The following RIMS2 variants were observed in gnomAD, a reference collection of about 807,000 sequenced individuals.
RIMS2 encodes regulating synaptic membrane exocytosis 2.
In RIMS2, 59 loss-of-function variants were observed where a neutral mutation model predicts 174.4. The observed-to-expected ratio is 0.34, with a 90% CI of 0.27 to 0.42. RIMS2 has a LOEUF of 0.42. Ranked by LOEUF, RIMS2 falls within the 10% of genes least tolerant of loss-of-function variation. The pLI, the probability that RIMS2 is intolerant of heterozygous loss-of-function variation, is 1.00. For missense variants in RIMS2, 1,620 were observed against 1,666.3 expected, an observed-to-expected ratio of 0.97 and a Z score of 0.48; for synonymous variants, 606 against 572.5, an observed-to-expected ratio of 1.06 and a Z score of -0.84.
chr8:104,107,356 A>G (rs2131497070), intron 19 of RIMS2, among the ~76,000 whole-genome samples: 1 of 151,870 alleles, frequency 6.6e-6, no homozygotes, highest in East Asian at 1.9e-4. Flanking sequence ...TGTGATACCC[A>G]TTTTCTCCCC....
At position 103,918,320 on chromosome 8, in the gene RIMS2, A is replaced by C. The variant is rs1012410169; in HGVS notation, c.2037-121A>C. The C allele has an allele frequency of 5.3e-6, 3 of 569,010 alleles. No homozygotes were observed. The African/African-American group carries it at 5.6e-5, about 11-fold the overall frequency. The allele number at this position is 569,010 out of a possible 1,614,324, so 35.2% of individuals were successfully genotyped here. ...TGTTTCTTATTTATATAATGCCACTATTATACACAGTTTTCTTCATTTTAC... is the reference window on the plus strand; with the variant it reads ...TGTTTCTTATTTATATAATGCCACTCTTATACACAGTTTTCTTCATTTTAC... On this transcript the variant is annotated intron_variant, in intron 8 of 23. Coordinates refer to ENST00000504942, the Ensembl canonical transcript of RIMS2.
At chr8:103,794,414 A>C (rs2098532158) in intron 3 of RIMS2, among the ~76,000 whole-genome samples, 1 of 152,182 alleles carries the variant, frequency 6.6e-6, no homozygotes, top group East Asian at 1.9e-4. Flanking sequence ...CTTCCTTACA[A>C]CTTATACAAA....
chr8:104,203,375 T>A (rs1262989171), intron 19 of RIMS2, among the ~76,000 whole-genome samples: 4 of 152,044 alleles, frequency 2.6e-5, no homozygotes, highest in Non-Finnish European at 4.4e-5. Context: ...CACAGAAACC[T>A]ATTAAAATGA....
intron 1 of RIMS2, among the ~76,000 whole-genome samples, chr8:103,558,510 C>T (rs775043616): frequency 6.6e-6 from 1 of 152,222 alleles, no homozygotes; most frequent in Non-Finnish European, 1.5e-5. Flanking sequence ...AGGCATGAGC[C>T]ACCGTGCCTG....
intron 3 of RIMS2, among the ~76,000 whole-genome samples, chr8:103,767,192 C>CTT (rs35159105): frequency 7.2e-6 from 1 of 138,558 alleles, no homozygotes; most frequent in African/African-American, 2.7e-5. Flanking sequence ...CTTTTTCTTT[C>CTT]TTTTTTTTTT....
intron 3 of RIMS2, among the ~76,000 whole-genome samples, chr8:103,819,812 A>G (rs562315225): frequency 2.0e-5 from 3 of 152,314 alleles, no homozygotes; most frequent in Admixed American, 6.5e-5. Flanking sequence ...GCTTACTTCA[A>G]CCAGAAAAAG....
chr8:103,601,203 T>C (rs1180875730), intron 1 of RIMS2, among the ~76,000 whole-genome samples: 1 of 152,222 alleles, frequency 6.6e-6, no homozygotes, highest in Non-Finnish European at 1.5e-5. Flanking sequence ...ATACAGAAGC[T>C]TTTTAACATG....
chr8:103,793,877 G>A (rs2098525430), intron 3 of RIMS2, among the ~76,000 whole-genome samples: 1 of 152,102 alleles, frequency 6.6e-6, no homozygotes, highest in Non-Finnish European at 1.5e-5. Flanking sequence ...ACTTACAAGG[G>A]ATGTGAAGGA....
At chr8:103,757,535 G>A (rs1336681564) in intron 2 of RIMS2, among the ~76,000 whole-genome samples, 2 of 151,858 alleles carry the variant, frequency 1.3e-5, no homozygotes, top group African/African-American at 4.8e-5. Context: ...TTGTGCTATT[G>A]GGCTATAATT....
exon 4 of RIMS2, chr8:103,886,025 A>G: frequency 6.2e-7 from 1 of 1,613,034 alleles, no homozygotes; most frequent in Non-Finnish European, 8.5e-7. Flanking sequence ...AAAAATGGAA[A>G]CAATGTTAAG....
chr8:104,221,914 C>T (rs1374517), intron 19 of RIMS2, among the ~76,000 whole-genome samples: 28,476 of 152,102 alleles, frequency 0.19, 2,919 homozygotes, highest in Non-Finnish European at 0.23. Flanking sequence ...CACTCCTTCC[C>T]ACTCACTCCA....
intron 1 of RIMS2, among the ~76,000 whole-genome samples, chr8:103,529,613 C>T (rs28435392): frequency 0.06 from 9,097 of 152,238 alleles, 907 homozygotes; most frequent in African/African-American, 0.2. Context: ...GGCTCATGCT[C>T]GGTGCTCTGC....
chr8:104,071,242 C>T (rs977183861), intron 19 of RIMS2, among the ~76,000 whole-genome samples: 18 of 152,086 alleles, frequency 1.2e-4, no homozygotes, highest in African/African-American at 4.1e-4. Flanking sequence ...ATATCTTTGA[C>T]AGCAATCATT....
At position 104,088,662 on chromosome 8, in the gene RIMS2, C is replaced by T. The variant is rs190347679; in HGVS notation, c.3334+74047C>T. Among the ~76,000 whole-genome samples the T allele has an allele frequency of 7.7e-3, 1,169 of 152,046 alleles. 5 individuals carry two copies. Among genetic ancestry groups the T allele is most frequent in the Middle Eastern group, 0.037 (11 of 294 alleles). ...AAGACAAGTGATATTTAAGGAAGTTCATAATCCTGCCCCCATCTTTTGTCT... is the reference window on the plus strand; with the variant it reads ...AAGACAAGTGATATTTAAGGAAGTTTATAATCCTGCCCCCATCTTTTGTCT... On this transcript the variant is annotated intron_variant, in intron 19 of 23. Transcript: ENST00000504942.
At chr8:103,802,720 GAAGT>G (rs1321974811) in intron 3 of RIMS2, among the ~76,000 whole-genome samples, 1 of 152,144 alleles carries the variant, frequency 6.6e-6, no homozygotes, top group Non-Finnish European at 1.5e-5. Context: ...AACCAGTTAG[GAAGT>G]ACCCTTTGGA....
intron 1 of RIMS2, among the ~76,000 whole-genome samples, chr8:103,612,036 CT>C (rs2095387618): frequency 6.6e-6 from 1 of 151,990 alleles, no homozygotes; most frequent in African/African-American, 2.4e-5. Context: ...CAGTCATTCT[CT>C]TTTCTGCCTG....
At chr8:104,114,820 T>C (rs2098253598) in intron 19 of RIMS2, among the ~76,000 whole-genome samples, 1 of 152,018 alleles carries the variant, frequency 6.6e-6, no homozygotes, top group South Asian at 2.1e-4. Context: ...TATAATCATT[T>C]AAGTTTTTCA....
intron 9 of RIMS2, among the ~76,000 whole-genome samples, chr8:103,919,943 C>T (rs530821633): frequency 8.2e-4 from 125 of 152,196 alleles, no homozygotes; most frequent in Non-Finnish European, 1.6e-3. Context: ...GTACTTGTAA[C>T]TGTGCTTGAT....
intron 1 of RIMS2, among the ~76,000 whole-genome samples, chr8:103,551,234 CA>C (rs1294288150): frequency 6.6e-6 from 1 of 152,160 alleles, no homozygotes; most frequent in Admixed American, 6.5e-5. Context: ...AGCAGCACAT[CA>C]AAAAGCTTAT....
Sources: allele counts gnomAD v4.1 joint callset (sites outside exome capture counted in the v4.1 genomes callset), GRCh38; gene constraint gnomAD v4.1.1; transcripts MANE v1.5; gene names NCBI Gene and HGNC (gene_info 2026-07-23, HGNC 2026-07-21).